Variants in TMPRSS11E observed in about 807,000 individuals in gnomAD.
TMPRSS11E encodes transmembrane serine protease 11E, also known as transmembrane protease serine 11E.
In TMPRSS11E, 38 loss-of-function variants were observed where a neutral mutation model predicts 48.1. That is an observed-to-expected ratio of 0.79 (90% CI 0.61 to 1.04). TMPRSS11E has a LOEUF of 1.04. Among genes scored for constraint, TMPRSS11E ranks in the 50% least tolerant of loss-of-function variants. The pLI is 0.00. For synonymous variants in TMPRSS11E, 158 were observed against 171.9 expected (o/e 0.92, Z 0.63); for missense variants, 530 against 510.8 (o/e 1.04, Z -0.36).
intron 9 of TMPRSS11E, among the ~76,000 whole-genome samples, chr4:68,479,414 A>C (rs1377870): frequency 2.0e-5 from 3 of 151,150 alleles, no homozygotes; most frequent in Admixed American, 6.6e-5. Context: ...ATTTTGGATC[A>C]TCTATTGGTA....
At chr4:68,468,307 T>C (rs1185710548) in intron 3 of TMPRSS11E, among the ~76,000 whole-genome samples, 1 of 152,120 alleles carries the variant, frequency 6.6e-6, no homozygotes, top group Admixed American at 6.6e-5. Context: ...CTAACGTCTC[T>C]ACAAAAATAG....
chr4:68,490,751 CTTTTTTT>C (rs1158277585), intron 9 of TMPRSS11E, among the ~76,000 whole-genome samples: 12 of 69,326 alleles, frequency 1.7e-4, no homozygotes, highest in East Asian at 5.0e-4. Flanking sequence ...TCAGCATATT[CTTTTTTT>C]TTTTTTTTTT....
intron 1 of TMPRSS11E, among the ~76,000 whole-genome samples, chr4:68,449,492 G>C (rs1728436292): frequency 6.6e-6 from 1 of 151,460 alleles, no homozygotes; most frequent in Non-Finnish European, 1.5e-5. Context: ...ATATTCAAAT[G>C]ACACAAAATG....
intron 8 of TMPRSS11E, among the ~76,000 whole-genome samples, chr4:68,477,835 A>G (rs572346225): frequency 6.6e-6 from 1 of 152,278 alleles, no homozygotes; most frequent in African/African-American, 2.4e-5. Flanking sequence ...CCTACTATAT[A>G]CTACAGTCAT....
chr4:68,477,161 C>T (rs934140642), intron 7 of TMPRSS11E, among the ~76,000 whole-genome samples: 7 of 151,826 alleles, frequency 4.6e-5, no homozygotes, highest in African/African-American at 1.5e-4. Context: ...GATGACTTGG[C>T]ATATGGAGTG....
intron 1 of TMPRSS11E, among the ~76,000 whole-genome samples, chr4:68,455,029 T>C (rs763615782): frequency 3.4e-4 from 51 of 152,062 alleles, no homozygotes; most frequent in South Asian, 8.3e-4. Flanking sequence ...ATGGTAGAAC[T>C]TATTCCTTCT....
Position 68,476,379 on chromosome 4 carries a change from C to A in TMPRSS11E, c.648C>A (p.Arg216=). 1 of 1,614,144 alleles carries A rather than the reference C, an allele frequency of 6.2e-7. No individual in the cohort carries two copies. The change falls in exon 7 of 10, where the codon CGC becomes CGA. Residue 216 remains arginine (R), a synonymous_variant. Coordinates refer to ENST00000305363, the MANE Select transcript of TMPRSS11E (RefSeq NM_014058.4). Reference sequence around the variant, plus strand: ...GCCTGCAGTGGGATGGGAGTCATCGCTGTGGAGCAACCTTAATTAATGCCA... The same window carrying A: ...GCCTGCAGTGGGATGGGAGTCATCGATGTGGAGCAACCTTAATTAATGCCA... The part of the protein sequence containing the change: ...QASLQWDGSH[R]CGATLINATW...
intron 1 of TMPRSS11E, among the ~76,000 whole-genome samples, chr4:68,459,312 T>C (rs1728723482): frequency 6.6e-6 from 1 of 151,954 alleles, no homozygotes; most frequent in Admixed American, 6.6e-5. Flanking sequence ...CTTCCTTAGT[T>C]TTTTTTTCAT....
Position 68,497,070 on chromosome 4 carries a change from G to T in TMPRSS11E, c.*266G>T. Reference sequence around the variant, plus strand: ...ATAGATAATACAATATTACATTACAGCCTGTATTCATTTGTTCTCTAGAAG... The same window carrying T: ...ATAGATAATACAATATTACATTACATCCTGTATTCATTTGTTCTCTAGAAG... On this transcript the variant is annotated 3_prime_UTR_variant, in exon 10 of 10. Coordinates refer to ENST00000305363, the MANE Select transcript of TMPRSS11E (RefSeq NM_014058.4). The T allele has an allele frequency of 3.3e-6, 1 of 300,282 alleles. No homozygotes were observed. Among genetic ancestry groups the T allele is most frequent in the Non-Finnish European group, 6.1e-6 (1 of 164,280 alleles). 18.6% of individuals were successfully genotyped at this position (300,282 alleles called of 1,614,324 possible).
chr4:68,464,219 G>A (rs1031661509), intron 2 of TMPRSS11E, among the ~76,000 whole-genome samples: 2 of 152,176 alleles, frequency 1.3e-5, no homozygotes, highest in South Asian at 2.1e-4. Flanking sequence ...ATATTTAGAA[G>A]CTGACATGCC....
chr4:68,478,952 A>T lies in TMPRSS11E; in HGVS notation c.1071A>T (p.Leu357Phe). The T allele has an allele frequency of 4.3e-6, 7 of 1,614,102 alleles. No homozygotes were observed. Among genetic ancestry groups the T allele is most frequent in the Non-Finnish European group, 5.9e-6 (7 of 1,179,962 alleles). Residue 357 changes from leucine (L) to phenylalanine (F), a missense_variant, in exon 9 of 10, where the codon TTA (leucine) becomes TTT (phenylalanine). Coordinates refer to ENST00000305363, the MANE Select transcript of TMPRSS11E (RefSeq NM_014058.4). ...ATGACGCCATAACTCCTAGAATGTT[A>T]TGTGCTGGCTCCTTAGAAGGAAAAA... is the stretch of plus-strand genomic sequence containing the variant. Reference protein sequence around the residue: ...AYNDAITPRMLCAGSLEGKTD... With the variant: ...AYNDAITPRMFCAGSLEGKTD...
intron 9 of TMPRSS11E, among the ~76,000 whole-genome samples, chr4:68,496,437 A>G (rs1729866108): frequency 6.6e-6 from 1 of 152,074 alleles, no homozygotes; most frequent in Non-Finnish European, 1.5e-5. Flanking sequence ...CAAGGTTTCA[A>G]GGTTTCAATC....
At chr4:68,463,157 T>C (rs1728838911) in intron 2 of TMPRSS11E, among the ~76,000 whole-genome samples, 1 of 152,228 alleles carries the variant, frequency 6.6e-6, no homozygotes, top group Non-Finnish European at 1.5e-5. Flanking sequence ...CACGCAAGTA[T>C]AATCTCAATT....
intron 1 of TMPRSS11E, among the ~76,000 whole-genome samples, chr4:68,460,406 C>T (rs1047776939): frequency 6.6e-6 from 1 of 152,114 alleles, no homozygotes; most frequent in African/African-American, 2.4e-5. Context: ...TTTTAGGTCC[C>T]AAAGTGCTTT....
chr4:68,490,751 C>CCT (rs1729693279), intron 9 of TMPRSS11E, among the ~76,000 whole-genome samples: 1 of 69,328 alleles, frequency 1.4e-5, no homozygotes, highest in Non-Finnish European at 2.5e-5. Flanking sequence ...TCAGCATATT[C>CCT]TTTTTTTTTT....
At chr4:68,447,634 A>G (rs996884525) in intron 1 of TMPRSS11E, 111 bp downstream of exon 1, 1 of 821,642 alleles carries the variant, frequency 1.2e-6, no homozygotes, top group Non-Finnish European at 1.9e-6. Context: ...TTTTTTAAAT[A>G]TAGAAACATA....
At chr4:68,454,167 G>C (rs1185988934) in intron 1 of TMPRSS11E, among the ~76,000 whole-genome samples, 1 of 151,940 alleles carries the variant, frequency 6.6e-6, no homozygotes, top group African/African-American at 2.4e-5. Context: ...TGAATGGTAA[G>C]AGGTATAGCC....
At chr4:68,466,909 A>AAT (rs1469368345) in intron 3 of TMPRSS11E, among the ~76,000 whole-genome samples, 157 bp downstream of exon 3, 1 of 152,138 alleles carries the variant, frequency 6.6e-6, no homozygotes, top group Non-Finnish European at 1.5e-5. Context: ...CAAAATGGAC[A>AAT]ATACATCACT....
At chr4:68,482,590 C>CAAAAAA (rs371144994) in intron 9 of TMPRSS11E, among the ~76,000 whole-genome samples, 1,266 of 105,746 alleles carry the variant, frequency 0.012, 67 homozygotes, top group South Asian at 0.024. Context: ...TGCATCTCCA[C>CAAAAAA]AAAAAAAAAA....
Sources: gnomAD v4.1 joint callset for allele counts (sites outside exome capture counted in the v4.1 genomes callset) on GRCh38, gnomAD v4.1.1 for gene constraint, MANE v1.5 for transcripts, NCBI Gene and HGNC (gene_info 2026-07-23, HGNC 2026-07-21) for gene names.